The following SEM1 variants were observed in gnomAD, a reference collection of about 807,000 sequenced individuals.
SEM1 encodes 26S proteasome complex subunit SEM1.
In SEM1, 3 loss-of-function variants were observed where a neutral mutation model predicts 12.7. That is an observed-to-expected ratio of 0.24 (90% CI 0.11 to 0.61). The LOEUF (loss-of-function observed/expected upper bound fraction) is 0.61, where lower values mean the gene tolerates loss of function less well. Among genes scored for constraint, SEM1 ranks in the 20% least tolerant of loss-of-function variants. SEM1 has a pLI of 0.88. For missense variants in SEM1, 59 were observed against 81.3 expected, an observed-to-expected ratio of 0.73 and a Z score of 1.06; for synonymous variants, 30 against 27.8, an observed-to-expected ratio of 1.08 and a Z score of -0.25.
chr7:96,502,725 C>G (rs79919154), intron 3 of SEM1, among the ~76,000 whole-genome samples: 1 of 152,094 alleles, frequency 6.6e-6, no homozygotes, highest in African/African-American at 2.4e-5. Context: ...CTCTAGCCAA[C>G]GATTTCATGC....
intron 2 of SEM1, among the ~76,000 whole-genome samples, chr7:96,526,486 C>G (rs1804467767): frequency 6.6e-6 from 1 of 152,000 alleles, no homozygotes; most frequent in African/African-American, 2.4e-5. Flanking sequence ...CAATGAAGAC[C>G]ACCACCCAAA....
At chr7:96,577,384 G>C (rs544605390) in intron 2 of SEM1, among the ~76,000 whole-genome samples, 17 of 152,210 alleles carry the variant, frequency 1.1e-4, no homozygotes, top group Non-Finnish European at 2.4e-4. Context: ...ACCTTGCAAA[G>C]TGACTCTTTG....
At chr7:96,561,546 T>C (rs1270491496) in intron 2 of SEM1, among the ~76,000 whole-genome samples, 1 of 152,238 alleles carries the variant, frequency 6.6e-6, no homozygotes, top group Non-Finnish European at 1.5e-5. Flanking sequence ...TCACTTTGGC[T>C]GCAGGTGCTG....
intron 2 of SEM1, among the ~76,000 whole-genome samples, chr7:96,662,834 A>G (rs971183168): frequency 3.9e-5 from 6 of 152,220 alleles, no homozygotes; most frequent in Non-Finnish European, 7.3e-5. Flanking sequence ...TGCAAAAGCA[A>G]AAAAGTACAA....
At chr7:96,486,595 G>A (rs985960929) in intron 1 of SEM1, among the ~76,000 whole-genome samples, 5 of 152,060 alleles carry the variant, frequency 3.3e-5, no homozygotes, top group African/African-American at 9.7e-5. Flanking sequence ...TGCCCAGCAG[G>A]TCACCCCTCT....
intron 2 of SEM1, among the ~76,000 whole-genome samples, chr7:96,550,480 C>T (rs561453395): frequency 5.9e-5 from 9 of 152,242 alleles, no homozygotes; most frequent in Admixed American, 5.2e-4. Flanking sequence ...TATTTGCACT[C>T]ATCTGTTGGA....
chr7:96,524,277 A>G (rs1246813579), intron 2 of SEM1, among the ~76,000 whole-genome samples: 1 of 152,124 alleles, frequency 6.6e-6, no homozygotes, highest in Non-Finnish European at 1.5e-5. Context: ...CTCTTCTCTT[A>G]ATTCACTGAA....
chr7:96,503,223 C>T (rs1328358665), intron 3 of SEM1, among the ~76,000 whole-genome samples: 1 of 152,136 alleles, frequency 6.6e-6, no homozygotes, highest in Non-Finnish European at 1.5e-5. Context: ...CCATTATAAC[C>T]TCCAAGGACC....
chr7:96,693,120 T>C (rs1789977179), intron 2 of SEM1, among the ~76,000 whole-genome samples: 2 of 152,060 alleles, frequency 1.3e-5, no homozygotes, highest in South Asian at 4.1e-4. Context: ...GTGTAGGAGC[T>C]GGTGCTACTG....
intron 2 of SEM1, among the ~76,000 whole-genome samples, chr7:96,645,027 T>G (rs1431892961): frequency 6.6e-6 from 1 of 152,146 alleles, no homozygotes; most frequent in Non-Finnish European, 1.5e-5. Flanking sequence ...TTTTAAGAAA[T>G]GTAATAACCA....
chr7:96,598,650 T>C (rs564105975), intron 2 of SEM1, among the ~76,000 whole-genome samples: 7 of 152,226 alleles, frequency 4.6e-5, no homozygotes, highest in African/African-American at 1.7e-4. Flanking sequence ...AGAATGCATC[T>C]GGCATTTCTC....
At chr7:96,676,823 G>A (rs1056335372) in intron 2 of SEM1, among the ~76,000 whole-genome samples, 2 of 152,186 alleles carry the variant, frequency 1.3e-5, no homozygotes, top group Non-Finnish European at 2.9e-5. Flanking sequence ...AAGGAAATTA[G>A]AGAGTCACCA....
At chr7:96,509,692 C>A (rs1803872637) in intron 2 of SEM1, among the ~76,000 whole-genome samples, 1 of 152,100 alleles carries the variant, frequency 6.6e-6, no homozygotes, top group Non-Finnish European at 1.5e-5. Flanking sequence ...CATATACATA[C>A]AATGGAATAT....
chr7:96,561,302 G>A lies in SEM1; in HGVS notation c.171-54604C>T, dbSNP rs6961100. On this transcript the variant is annotated intron_variant and NMD_transcript_variant, in intron 2 of 3. Transcript: ENST00000466986. Reference sequence around the variant, plus strand: ...TTGAAGCAATGGAAAAGGGGGTGAGGGTTGAAATGCCACCTACTTCTCCAC... The same window carrying A: ...TTGAAGCAATGGAAAAGGGGGTGAGAGTTGAAATGCCACCTACTTCTCCAC... 2.3e-3 allele frequency among the ~76,000 whole-genome samples: 351 copies of A among 152,186 alleles called. 5 individuals carry two copies. The highest frequency in any genetic ancestry group is 1.6e-3 in the Non-Finnish European group (109 of 68,018).
At chr7:96,551,729 GA>G (rs35175397) in intron 2 of SEM1, among the ~76,000 whole-genome samples, 193 of 141,848 alleles carry the variant, frequency 1.4e-3, no homozygotes, top group African/African-American at 4.9e-3. Flanking sequence ...AAAAAGAAAA[GA>G]AAAAAAAGAA....
At position 96,531,423 on chromosome 7, in the gene SEM1, A is replaced by C. The variant is rs558255319; in HGVS notation, c.171-24725T>G. On this transcript the variant is annotated intron_variant and NMD_transcript_variant, in intron 2 of 3. Transcript: ENST00000466986. ...GTCTCTATAAAAAATATAAAAAAAA[A>C]AACAACAAAAAAAAACAAACAAAAA... Among the ~76,000 whole-genome samples, 211 of 146,406 alleles carry C rather than the reference A, an allele frequency of 1.4e-3. 1 individual carries two copies. Among genetic ancestry groups the C allele is most frequent in the African/African-American group, 3.6e-3 (134 of 36,820 alleles).
chr7:96,558,424 CA>C (rs954516911), intron 2 of SEM1, among the ~76,000 whole-genome samples: 7 of 152,174 alleles, frequency 4.6e-5, no homozygotes, highest in African/African-American at 1.7e-4. Flanking sequence ...CCAAAACCAT[CA>C]AAAGGTCAAC....
Position 96,601,967 on chromosome 7 carries a change from T to C in SEM1, c.170+92831A>G, listed in dbSNP as rs372251197. Among the ~76,000 whole-genome samples the C allele has an allele frequency of 1.9e-4, 29 of 152,274 alleles. No individual in the cohort carries two copies. In the East Asian group the frequency reaches 2.5e-3, roughly 13 times the overall value. On this transcript the variant is annotated intron_variant and NMD_transcript_variant, in intron 2 of 3. Coordinates refer to the SEM1 transcript ENST00000466986. ...AAGTGAAAAATGACTGCAGAGTTTC[T>C]GGAATTTCTGGCCTGAGAATGATAC...
intron 2 of SEM1, among the ~76,000 whole-genome samples, chr7:96,616,506 T>G (rs2116262028): frequency 6.6e-6 from 1 of 152,260 alleles, no homozygotes; most frequent in Non-Finnish European, 1.5e-5. Context: ...GTTACCTGTT[T>G]GCAATGTTGA....
Sources: gnomAD v4.1 joint callset for allele counts (sites outside exome capture counted in the v4.1 genomes callset) on GRCh38, gnomAD v4.1.1 for gene constraint, MANE v1.5 for transcripts, NCBI Gene and HGNC (gene_info 2026-07-23, HGNC 2026-07-21) for gene names.